The following CHRNA7 variants were observed in gnomAD, a reference collection of about 807,000 sequenced individuals.
CHRNA7 encodes the protein neuronal acetylcholine receptor subunit alpha-7.
Under a neutral mutation model 48.0 loss-of-function variants are expected in CHRNA7, and 17 were observed. That is an observed-to-expected ratio of 0.35 (90% CI 0.24 to 0.53). The LOEUF (loss-of-function observed/expected upper bound fraction) is 0.53. Among genes scored for constraint, CHRNA7 ranks in the 20% least tolerant of loss-of-function variants. CHRNA7 has a pLI of 0.92. For missense variants in CHRNA7, 155 were observed against 577.7 expected, an observed-to-expected ratio of 0.27 and a Z score of 7.50; for synonymous variants, 75 against 242.3, an observed-to-expected ratio of 0.31 and a Z score of 6.41.
rs185575891 is a variant in CHRNA7, at chr15:32,085,076, G to A, written c.196-16227G>A. 2.5e-3 allele frequency among the ~76,000 whole-genome samples: 374 copies of A among 152,132 alleles called. 7 individuals are homozygous for A. Among genetic ancestry groups the A allele is most frequent in the Non-Finnish European group, 1.3e-3 (85 of 67,994 alleles). The stretch of plus-strand genomic sequence containing the variant: ...ACTCCTGACCTCAGGTGATCCACCT[G>A]CCTTAGCCTCCCAAAGTGCTGGGAT... On this transcript the variant is annotated intron_variant, in intron 2 of 9. Coordinates refer to ENST00000306901, the MANE Select transcript of CHRNA7 (RefSeq NM_000746.6).
chr15:32,116,033 G>A (rs1028867886), intron 4 of CHRNA7, among the ~76,000 whole-genome samples: 4 of 152,290 alleles, frequency 2.6e-5, no homozygotes, highest in Admixed American at 6.5e-5. Flanking sequence ...GAGAGATACC[G>A]AATTTAATGC....
chr15:32,042,668 T>C (rs974034101), intron 2 of CHRNA7, among the ~76,000 whole-genome samples: 4 of 152,326 alleles, frequency 2.6e-5, no homozygotes, highest in Middle Eastern at 3.4e-3. Context: ...TAGTCTCTGC[T>C]CTGGAAAGTC....
intron 2 of CHRNA7, among the ~76,000 whole-genome samples, chr15:32,085,629 A>T (rs1256264352): frequency 6.6e-6 from 1 of 152,254 alleles, no homozygotes; most frequent in African/African-American, 2.4e-5. Flanking sequence ...AAGTATTTTC[A>T]GAGTTTCAAT....
chr15:32,092,629 C>T (rs973840934), intron 2 of CHRNA7, among the ~76,000 whole-genome samples: 1 of 152,122 alleles, frequency 6.6e-6, no homozygotes, highest in Non-Finnish European at 1.5e-5. Context: ...TTTCCTGATT[C>T]GTGGCCTGAT....
At chr15:32,141,324 G>C (rs528816941) in intron 4 of CHRNA7, among the ~76,000 whole-genome samples, 18 of 152,296 alleles carry the variant, frequency 1.2e-4, no homozygotes, top group Non-Finnish European at 2.2e-4. Context: ...GGTTACTGTA[G>C]CCTTGTAGTG....
intron 4 of CHRNA7, among the ~76,000 whole-genome samples, chr15:32,146,818 C>T (rs2051498406): frequency 6.6e-6 from 1 of 152,120 alleles, no homozygotes; most frequent in South Asian, 2.1e-4. Flanking sequence ...TTAACAGGGA[C>T]TTCATGAGAC....
intron 2 of CHRNA7, among the ~76,000 whole-genome samples, chr15:32,077,353 G>T (rs1357978009): frequency 6.6e-6 from 1 of 152,130 alleles, no homozygotes; most frequent in African/African-American, 2.4e-5. Context: ...AGTATGTTTA[G>T]TTTTGTAAGA....
chr15:32,034,824 T>C (rs1234984283), intron 2 of CHRNA7, among the ~76,000 whole-genome samples: 2 of 152,286 alleles, frequency 1.3e-5, no homozygotes, highest in Non-Finnish European at 2.9e-5. Flanking sequence ...GGCTCCTTCA[T>C]GAAGCACTAG....
chr15:32,132,365 C>A (rs2051171466), intron 4 of CHRNA7, among the ~76,000 whole-genome samples: 1 of 152,140 alleles, frequency 6.6e-6, no homozygotes, highest in Non-Finnish European at 1.5e-5. Context: ...CTGCCTGTCA[C>A]AAAGGTGTGA....
chr15:32,075,208 G>T (rs2050119013), intron 2 of CHRNA7, among the ~76,000 whole-genome samples: 1 of 152,108 alleles, frequency 6.6e-6, no homozygotes, highest in Non-Finnish European at 1.5e-5. Context: ...TGTAAGCAGG[G>T]TAATACTGGC....
At chr15:32,141,823 G>C (rs1188811079) in intron 4 of CHRNA7, among the ~76,000 whole-genome samples, 2 of 151,766 alleles carry the variant, frequency 1.3e-5, no homozygotes, top group Non-Finnish European at 2.9e-5. Flanking sequence ...ATTTTTGGCT[G>C]AGACAATGGG....
At chr15:32,085,877 G>A (rs2050287379) in intron 2 of CHRNA7, among the ~76,000 whole-genome samples, 1 of 152,076 alleles carries the variant, frequency 6.6e-6, no homozygotes, top group South Asian at 2.1e-4. Context: ...TTGATTCCTG[G>A]CTGCTCTTAT....
chr15:32,122,673 C>T (rs2050992531), intron 4 of CHRNA7, among the ~76,000 whole-genome samples: 1 of 151,734 alleles, frequency 6.6e-6, no homozygotes. Context: ...CTTTACTTTT[C>T]TTTAAGGGAT....
intron 2 of CHRNA7, among the ~76,000 whole-genome samples, chr15:32,082,974 A>G (rs915259513): frequency 1.7e-4 from 26 of 152,182 alleles, no homozygotes; most frequent in African/African-American, 6.3e-4. Flanking sequence ...GTCTCCTACT[A>G]AAAATACAAA....
At chr15:32,054,398 GTCTC>G (rs2049748065) in intron 2 of CHRNA7, among the ~76,000 whole-genome samples, 2 of 82,530 alleles carry the variant, frequency 2.4e-5, no homozygotes, top group African/African-American at 1.6e-4. Flanking sequence ...TGTGTTAAAG[GTCTC>G]TCGTAGAGAG....
At chr15:32,087,055 G>A (rs2050309640) in intron 2 of CHRNA7, among the ~76,000 whole-genome samples, 1 of 152,134 alleles carries the variant, frequency 6.6e-6, no homozygotes, top group Non-Finnish European at 1.5e-5. Context: ...CCAAATTAGG[G>A]AGTGGAAAGT....
intron 2 of CHRNA7, among the ~76,000 whole-genome samples, chr15:32,069,935 A>G (rs1283514451): frequency 5.9e-5 from 9 of 152,130 alleles, no homozygotes; most frequent in Non-Finnish European, 1.5e-5. Flanking sequence ...AAAGTACTAC[A>G]TATGCTATTT....
intron 3 of CHRNA7, among the ~76,000 whole-genome samples, chr15:32,110,368 A>C (rs2050743347): frequency 6.6e-6 from 1 of 152,178 alleles, no homozygotes; most frequent in East Asian, 1.9e-4. Flanking sequence ...AACCACTTCC[A>C]TCTCATTAGA....
At chr15:32,104,862 G>A (rs924246629) in intron 3 of CHRNA7, among the ~76,000 whole-genome samples, 1 of 152,186 alleles carries the variant, frequency 6.6e-6, no homozygotes, top group African/African-American at 2.4e-5. Context: ...AAGGAACAAC[G>A]CTGCTGTTGA....
Sources: gnomAD v4.1 joint callset for allele counts (sites outside exome capture counted in the v4.1 genomes callset) on GRCh38, gnomAD v4.1.1 for gene constraint, MANE v1.5 for transcripts, NCBI Gene and HGNC (gene_info 2026-07-23, HGNC 2026-07-21) for gene names.